ME1: variants seen among roughly 807,000 people sequenced by gnomAD.
ME1 encodes malic enzyme 1.
A neutral mutation model predicts 66.4 loss-of-function variants in ME1; 74 were observed. The observed-to-expected ratio is 1.11, with a 90% CI of 0.92 to 1.35. ME1 has a LOEUF of 1.35. ME1 is among the 40% of genes most tolerant of loss of function. The pLI is 0.00. For missense variants in ME1, 750 were observed against 694.1 expected (o/e 1.08, Z -0.90); for synonymous variants, 251 against 235.6 (o/e 1.07, Z -0.60).
intron 1 of ME1, among the ~76,000 whole-genome samples, chr6:83,415,063 G>A (rs139898541): frequency 0.011 from 1,696 of 152,206 alleles, 10 homozygotes; most frequent in Non-Finnish European, 0.018. Flanking sequence ...GTTATCATAC[G>A]TACCTTTATA....
rs1408001127 is a variant in ME1, at chr6:83,211,033, G to A, written c.*891C>T. ...GGTAACTCCAGTAGGAACCTAACTT[G>A]TTGTCTTAAAGATCCTGAGATCTTT... On this transcript the variant is annotated 3_prime_UTR_variant, in exon 14 of 14. Transcript: ENST00000369705. 5 of 152,186 alleles carry A rather than the reference G, an allele frequency of 3.3e-5. No homozygotes were observed. Among genetic ancestry groups the A allele is most frequent in the South Asian group, 2.1e-4 (1 of 4,832 alleles). The allele number at this position is 152,186 out of a possible 1,614,324, so 9.4% of individuals were successfully genotyped here.
In ME1 at chr6:83,256,044, G is replaced by A. The variant is rs189365108; in HGVS notation, c.705-2306C>T. On this transcript the variant is annotated intron_variant, in intron 6 of 13. Coordinates refer to ENST00000369705, the MANE Select transcript of ME1 (RefSeq NM_002395.6). Reference sequence around the variant, plus strand: ...AATCATCTTTTATCCTTCTTTTTAAGTATTTACTTGGCTGTCATACTGGTT... The same window carrying A: ...AATCATCTTTTATCCTTCTTTTTAAATATTTACTTGGCTGTCATACTGGTT... 1.7e-3 allele frequency among the ~76,000 whole-genome samples: 252 copies of A among 152,100 alleles called. 1 individual carries two copies. The highest frequency in any genetic ancestry group is 2.2e-3 in the Non-Finnish European group (152 of 67,984).
chr6:83,233,824 T>C (rs1790345695), intron 9 of ME1, among the ~76,000 whole-genome samples: 2 of 151,950 alleles, frequency 1.3e-5, no homozygotes, highest in South Asian at 4.1e-4. Flanking sequence ...AAAATGGGAT[T>C]ACACTAATTT....
At chr6:83,241,837 C>T (rs1423817516) in intron 7 of ME1, among the ~76,000 whole-genome samples, 1 of 151,990 alleles carries the variant, frequency 6.6e-6, no homozygotes, top group Non-Finnish European at 1.5e-5. Context: ...TTAGGTTTAT[C>T]TTCATACTAT....
At chr6:83,245,701 C>A (rs531145249) in intron 7 of ME1, among the ~76,000 whole-genome samples, 1 of 152,276 alleles carries the variant, frequency 6.6e-6, no homozygotes, top group East Asian at 1.9e-4. Flanking sequence ...AGCCACCGTG[C>A]CTGGCCGAGG....
In ME1 at chr6:83,211,856, T is replaced by A. The variant is rs1789893961; in HGVS notation, c.*68A>T. On this transcript the variant is annotated 3_prime_UTR_variant, in exon 14 of 14. Transcript: ENST00000369705. The stretch of plus-strand genomic sequence containing the variant: ...TGTCTTATGAATCATTATAAAAGAT[T>A]CCAACCTTTAAAAATTATGAAAGGT... 9.1e-7 allele frequency: 1 copy of A among 1,094,386 alleles called. No homozygotes were observed. Among genetic ancestry groups the A allele is most frequent in the Non-Finnish European group, 1.2e-6 (1 of 810,854 alleles). 67.8% of individuals were successfully genotyped at this position (1,094,386 alleles called of 1,614,324 possible).
chr6:83,333,843 T>A (rs1175438546), intron 5 of ME1, among the ~76,000 whole-genome samples: 2 of 152,162 alleles, frequency 1.3e-5, no homozygotes, highest in African/African-American at 4.8e-5. Flanking sequence ...TTGATCAGTT[T>A]TTAGAAAAAA....
intron 3 of ME1, among the ~76,000 whole-genome samples, chr6:83,372,984 C>G (rs144781789): frequency 6.6e-6 from 1 of 152,098 alleles, no homozygotes. Context: ...AAATAGAATA[C>G]TTTCCAAAAC....
At chr6:83,313,848 A>C (rs1767975490) in intron 6 of ME1, among the ~76,000 whole-genome samples, 1 of 152,204 alleles carries the variant, frequency 6.6e-6, no homozygotes, top group Non-Finnish European at 1.5e-5. Flanking sequence ...TGTGGTTCTA[A>C]AATGTAGTCC....
chr6:83,410,490 C>T (rs1358896142), intron 1 of ME1, among the ~76,000 whole-genome samples: 2 of 151,830 alleles, frequency 1.3e-5, no homozygotes, highest in Non-Finnish European at 1.5e-5. Context: ...ACATTTAAAC[C>T]AAAATGTCAT....
intron 6 of ME1, among the ~76,000 whole-genome samples, chr6:83,253,951 T>A (rs767727475): frequency 2.0e-5 from 3 of 152,136 alleles, no homozygotes; most frequent in Non-Finnish European, 4.4e-5. Context: ...TGAAATAACA[T>A]AAAATGACCA....
intron 5 of ME1, among the ~76,000 whole-genome samples, chr6:83,333,104 T>TGTA (rs1768446757): frequency 6.6e-6 from 1 of 152,130 alleles, no homozygotes; most frequent in South Asian, 2.1e-4. Flanking sequence ...TTCATTACTA[T>TGTA]CCAGTACATG....
chr6:83,428,481 T>A (rs1770415536), intron 1 of ME1, among the ~76,000 whole-genome samples: 1 of 152,196 alleles, frequency 6.6e-6, no homozygotes, highest in South Asian at 2.1e-4. Context: ...AAGTTCTGTG[T>A]TAGTGTGGTT....
chr6:83,273,476 A>G (rs1441082302), intron 6 of ME1, among the ~76,000 whole-genome samples: 1 of 152,214 alleles, frequency 6.6e-6, no homozygotes, highest in Non-Finnish European at 1.5e-5. Flanking sequence ...TTCTAAAACA[A>G]TCAACCACCT....
At chr6:83,305,052 T>C (rs1767800257) in intron 6 of ME1, among the ~76,000 whole-genome samples, 1 of 152,188 alleles carries the variant, frequency 6.6e-6, no homozygotes, top group Admixed American at 6.5e-5. Flanking sequence ...ATAAAAATGA[T>C]GCTAGTAATT....
At chr6:83,327,518 T>A (rs1768320974) in intron 5 of ME1, among the ~76,000 whole-genome samples, 1 of 152,224 alleles carries the variant, frequency 6.6e-6, no homozygotes, top group East Asian at 1.9e-4. Context: ...TAGACTCCAG[T>A]CTCCCATAGC....
intron 5 of ME1, among the ~76,000 whole-genome samples, chr6:83,332,075 T>C (rs1768423311): frequency 6.6e-6 from 1 of 152,302 alleles, no homozygotes; most frequent in East Asian, 1.9e-4. Context: ...AAACTTTATA[T>C]AGCAACTGCT....
At chr6:83,374,639 C>T (rs2128547627) in intron 3 of ME1, among the ~76,000 whole-genome samples, 1 of 152,246 alleles carries the variant, frequency 6.6e-6, no homozygotes, top group Admixed American at 6.5e-5. Context: ...GTTGCAATTG[C>T]TTTTGGCAAT....
rs890549151 is a variant in ME1 at position 83,346,938 on chromosome 6, CTTCTT to C, written c.439-609_439-605del. Among the ~76,000 whole-genome samples, 89 of 151,174 alleles carry C rather than the reference CTTCTT, an allele frequency of 5.9e-4. 1 individual carries two copies. Among genetic ancestry groups the C allele is most frequent in the African/African-American group, 1.4e-3 (56 of 41,364 alleles). On this transcript the variant is annotated intron_variant, in intron 4 of 13. Transcript: ENST00000369705. ...GTCTTTCTCCTTCCTTCCTTCCTTCCTTCTTTTATCTTTCTTTTTTTTCCCTTTTT... is the reference window on the plus strand; with the variant it reads ...GTCTTTCTCCTTCCTTCCTTCCTTCCTTATCTTTCTTTTTTTTCCCTTTTT...
Sources: allele counts gnomAD v4.1 joint callset (sites outside exome capture counted in the v4.1 genomes callset), GRCh38; gene constraint gnomAD v4.1.1; transcripts MANE v1.5; gene names NCBI Gene and HGNC (gene_info 2026-07-23, HGNC 2026-07-21).